The following GPC3 variants were observed in gnomAD, a reference collection of about 807,000 sequenced individuals.
GPC3 encodes glypican 3.
GPC3 carries 3 observed loss-of-function variants against 34.4 expected under a neutral mutation model. The observed-to-expected ratio is 0.09, with a 90% CI of 0.04 to 0.23. GPC3 has a LOEUF of 0.23. GPC3 is among the 10% of genes least tolerant of loss of function. The probability of loss-of-function intolerance (pLI) is 1.00; values close to 1 mark genes in which losing one functional copy is unlikely to be tolerated. For synonymous variants in GPC3, 177 were observed against 174.0 expected (o/e 1.02, Z -0.13); for missense variants, 351 against 445.6 (o/e 0.79, Z 1.91).
chrX:133,547,516 A>G (rs2069396687), intron 7 of GPC3, among the ~76,000 whole-genome samples: 1 of 111,278 alleles, frequency 9.0e-6, no homozygotes, highest in South Asian at 3.8e-4. Flanking sequence ...TTTGAAAGTC[A>G]AGTTAAGTTG....
chrX:133,597,906 T>C (rs2069936726), intron 6 of GPC3, among the ~76,000 whole-genome samples: 1 of 110,958 alleles, frequency 9.0e-6, no homozygotes, highest in Non-Finnish European at 1.9e-5. Flanking sequence ...CTGCTCATCA[T>C]ACACAACTAC....
intron 2 of GPC3, among the ~76,000 whole-genome samples, chrX:133,787,645 T>C (rs1461293934): frequency 1.8e-5 from 2 of 111,891 alleles, no homozygotes; most frequent in Non-Finnish European, 3.8e-5. Flanking sequence ...CACTTCCTTC[T>C]ATTCTGTTCT....
intron 7 of GPC3, among the ~76,000 whole-genome samples, chrX:133,592,714 G>A (rs762141234): frequency 9.0e-6 from 1 of 110,755 alleles, no homozygotes; most frequent in South Asian, 3.9e-4. Flanking sequence ...AGATTTCATG[G>A]AGAGAAAGTA....
chrX:133,671,395 A>G, intron 5 of GPC3: 1 of 525,111 alleles, frequency 1.9e-6, no homozygotes, highest in Admixed American at 2.7e-5. Context: ...AAAGGGCTGC[A>G]ATATGTTATC....
chrX:133,812,866 T>C (rs1055638753), intron 2 of GPC3, among the ~76,000 whole-genome samples: 12 of 111,958 alleles, frequency 1.1e-4, no homozygotes, highest in African/African-American at 3.9e-4. Flanking sequence ...TCCTTCCCAG[T>C]GCCCAGACTC....
At chrX:133,925,677 AT>A (rs1453605781) in intron 2 of GPC3, among the ~76,000 whole-genome samples, 2 of 112,036 alleles carry the variant, frequency 1.8e-5, no homozygotes, top group African/African-American at 6.5e-5. Context: ...AGTTTGGAGA[AT>A]TTTGCTTGAT....
chrX:133,609,611 C>A (rs2070087725), intron 6 of GPC3, among the ~76,000 whole-genome samples: 1 of 112,328 alleles, frequency 8.9e-6, no homozygotes, highest in African/African-American at 3.2e-5. Flanking sequence ...GGTCTTTTAA[C>A]AAAATTCATA....
chrX:133,536,018 C>T lies in GPC3; in HGVS notation c.*106G>A. ...CTACTTCATGGCTGGAGGAGGTATA[C>T]AGGATAACAAAAAAAAAAAAATAGA... On this transcript the variant is annotated 3_prime_UTR_variant, in exon 8 of 8. Transcript: ENST00000370818. 1.7e-6 allele frequency: 1 copy of T among 586,206 alleles called. No individual in the cohort carries two copies. Among genetic ancestry groups the T allele is most frequent in the Admixed American group, 3.0e-5 (1 of 33,871 alleles). 48.3% of individuals were successfully genotyped at this position (586,206 alleles called of 1,213,427 possible).
intron 2 of GPC3, among the ~76,000 whole-genome samples, chrX:133,830,315 G>A (rs992844006): frequency 8.9e-6 from 1 of 111,792 alleles, no homozygotes; most frequent in African/African-American, 3.2e-5. Context: ...AATTACTTGT[G>A]AAAAAATAAT....
intron 1 of GPC3, among the ~76,000 whole-genome samples, chrX:133,958,476 T>C (rs751030802): frequency 9.8e-6 from 1 of 102,340 alleles, no homozygotes; most frequent in Non-Finnish European, 2.0e-5. Flanking sequence ...GGCTCAGAGG[T>C]CGAGGCTATA....
chrX:133,917,477 C>G (rs185793333), intron 2 of GPC3, among the ~76,000 whole-genome samples: 1 of 111,855 alleles, frequency 8.9e-6, no homozygotes, highest in Non-Finnish European at 1.9e-5. Flanking sequence ...TTAAATGGTC[C>G]AGTGTTAATG....
intron 2 of GPC3, among the ~76,000 whole-genome samples, chrX:133,879,739 G>A: frequency 9.1e-6 from 1 of 109,695 alleles, no homozygotes; most frequent in Non-Finnish European, 1.9e-5. Context: ...CCAGGAGGTG[G>A]AGGCTGCAGT....
In GPC3 at chrX:133,736,948, C is replaced by T. The variant is rs1345389198; in HGVS notation, c.1032+16534G>A. On this transcript the variant is annotated intron_variant, in intron 3 of 7. Coordinates refer to ENST00000370818, the MANE Select transcript of GPC3 (RefSeq NM_004484.4). ...AGAAGTAATGAGGTATAATTTACCA[C>T]TAATGCAATGGGAATAATGATTAGG... is the stretch of plus-strand genomic sequence containing the variant. Among the ~76,000 whole-genome samples the T allele has an allele frequency of 5.4e-5, 6 of 111,897 alleles. No individual in the cohort carries two copies. The East Asian group carries it at 1.1e-3, about 21-fold the overall frequency.
At chrX:133,844,498 G>A (rs959871859) in intron 2 of GPC3, among the ~76,000 whole-genome samples, 8 of 111,477 alleles carry the variant, frequency 7.2e-5, no homozygotes, top group East Asian at 2.8e-4. Context: ...AGCATGAGGA[G>A]GTCACCAGCC....
At chrX:133,669,842 C>T (rs1191702993) in intron 5 of GPC3, among the ~76,000 whole-genome samples, 2 of 111,978 alleles carry the variant, frequency 1.8e-5, no homozygotes, top group African/African-American at 6.5e-5. Context: ...TTACATGCGG[C>T]GTCTTCTTCT....
intron 1 of GPC3, among the ~76,000 whole-genome samples, chrX:133,981,714 G>C (rs1248569907): frequency 8.9e-6 from 1 of 112,232 alleles, no homozygotes; most frequent in Non-Finnish European, 1.9e-5. Flanking sequence ...TGGCAACCCA[G>C]ATACGGAGGC....
intron 2 of GPC3, among the ~76,000 whole-genome samples, chrX:133,909,103 T>TGCTTAG (rs2076184181): frequency 8.9e-6 from 1 of 112,531 alleles, no homozygotes; most frequent in Non-Finnish European, 1.9e-5. Flanking sequence ...TTCCTCACAG[T>TGCTTAG]GCTTAGTAGG....
At chrX:133,784,444 T>C (rs996602964) in intron 2 of GPC3, among the ~76,000 whole-genome samples, 9 of 111,443 alleles carry the variant, frequency 8.1e-5, no homozygotes, top group African/African-American at 2.9e-4. Flanking sequence ...AAATCCCCTC[T>C]GGAATCTAGG....
intron 2 of GPC3, among the ~76,000 whole-genome samples, chrX:133,911,061 G>C (rs1203646146): frequency 4.5e-5 from 5 of 112,069 alleles, no homozygotes; most frequent in Non-Finnish European, 9.4e-5. Flanking sequence ...AAGAAAAAAA[G>C]TGCCCTGTAA....
Sources: gnomAD v4.1 joint callset for allele counts (sites outside exome capture counted in the v4.1 genomes callset) on GRCh38, gnomAD v4.1.1 for gene constraint, MANE v1.5 for transcripts, NCBI Gene and HGNC (gene_info 2026-07-23, HGNC 2026-07-21) for gene names.